The following ELF4 variants were observed in gnomAD, a reference collection of about 807,000 sequenced individuals.
The protein encoded by ELF4 is E74 like ETS transcription factor 4.
In ELF4, 10 loss-of-function variants were observed where a neutral mutation model predicts 31.7. The observed-to-expected ratio is 0.32, with a 90% CI of 0.19 to 0.54. The LOEUF (loss-of-function observed/expected upper bound fraction) is 0.54, where lower values mean the gene tolerates loss of function less well. ELF4 is among the 20% of genes least tolerant of loss of function. The pLI, the probability that ELF4 is intolerant of heterozygous loss-of-function variation, is 0.95. For synonymous variants in ELF4, 208 were observed against 226.7 expected (o/e 0.92, Z 0.74); for missense variants, 418 against 522.0 (o/e 0.80, Z 1.94).
chrX:130,101,773 TG>T (rs1224098180), intron 1 of ELF4, among the ~76,000 whole-genome samples: 7 of 107,770 alleles, frequency 6.5e-5, no homozygotes, highest in African/African-American at 2.4e-4. Flanking sequence ...CACTCCAGCC[TG>T]GGCGACAAGA....
rs760196351 is a variant in ELF4 at position 130,064,387 on chromosome X, G to A, written c.*2334C>T. ...TGGGAGGCAGAGGTTGCAGTGAACC[G>A]AGATTGCACCACTGCACTCCAGCCG... On this transcript the variant is annotated 3_prime_UTR_variant, in exon 9 of 9. Coordinates refer to ENST00000308167, the MANE Select transcript of ELF4 (RefSeq NM_001421.4). 3.7e-4 allele frequency among the ~76,000 whole-genome samples: 41 copies of A among 112,104 alleles called. No individual in the cohort carries two copies. The highest frequency in any genetic ancestry group is 6.4e-4 in the Non-Finnish European group (34 of 53,215).
intron 2 of ELF4, among the ~76,000 whole-genome samples, chrX:130,080,956 T>C (rs1176930892): frequency 8.9e-6 from 1 of 112,758 alleles, no homozygotes; most frequent in Non-Finnish European, 1.9e-5. Context: ...TCCATGTTGC[T>C]GACTAACCAA....
rs1175703996 is a variant in ELF4 at position 130,067,027 on chromosome X, A to G, written c.1686T>C (p.Pro562=). The G allele has an allele frequency of 9.1e-6, 11 of 1,210,971 alleles. No homozygotes were observed. The highest frequency in any genetic ancestry group is 1.2e-5 in the Non-Finnish European group (11 of 895,347). Residue 562 remains proline (P), a synonymous_variant, in exon 9 of 9, where the codon CCT becomes CCC. Coordinates refer to ENST00000308167, the MANE Select transcript of ELF4 (RefSeq NM_001421.4). ...TGAPMEGLLV[P]EETLRELLRD... is the part of the protein sequence containing the mutation. Reference sequence around the variant, plus strand: ...TCAGGAGCTCCCTCAGGGTCTCTTCAGGAACCAGCAGCCCCTCCATGGGGG... The same window carrying G: ...TCAGGAGCTCCCTCAGGGTCTCTTCGGGAACCAGCAGCCCCTCCATGGGGG...
rs770464343 is a variant in ELF4 at position 130,064,744 on chromosome X, T to C, written c.*1977A>G. On this transcript the variant is annotated 3_prime_UTR_variant, in exon 9 of 9. Coordinates refer to ENST00000308167, the MANE Select transcript of ELF4 (RefSeq NM_001421.4). ...GGCCCGAGAACTGTGAAGAAGACAT[T>C]TGATTTCACCATGAGGTCATTGATG... 2 of 127,782 alleles carry C rather than the reference T, an allele frequency of 1.6e-5. No homozygotes were observed. The highest frequency in any genetic ancestry group is 2.9e-4 in the East Asian group (2 of 6,853). The allele number at this position is 127,782 out of a possible 1,213,427, so 10.5% of individuals were successfully genotyped here.
chrX:130,096,904 T>C (rs1265823210), intron 1 of ELF4, among the ~76,000 whole-genome samples: 1 of 110,723 alleles, frequency 9.0e-6, no homozygotes. Context: ...TGCCCCTCTC[T>C]GGATCCCAAT....
chrX:130,111,731 C>T (rs1361932628), upstream of ELF4, among the ~76,000 whole-genome samples: 1 of 111,870 alleles, frequency 8.9e-6, no homozygotes, highest in Non-Finnish European at 1.9e-5. Context: ...ACCTTTCTTC[C>T]CCTGTCCAAA....
intron 1 of ELF4, among the ~76,000 whole-genome samples, chrX:130,102,708 T>C (rs1456783824): frequency 9.3e-6 from 1 of 107,938 alleles, no homozygotes; most frequent in African/African-American, 3.4e-5. Context: ...TCCCAGCTAC[T>C]TGGAAGGCTA....
At chrX:130,103,688 G>A (rs996317550) in intron 1 of ELF4, among the ~76,000 whole-genome samples, 1 of 111,677 alleles carries the variant, frequency 9.0e-6, no homozygotes. Context: ...CAGGAATTTC[G>A]GGAGGTTAAG....
At chrX:130,096,236 G>A (rs1200975728) in intron 1 of ELF4, among the ~76,000 whole-genome samples, 1 of 111,114 alleles carries the variant, frequency 9.0e-6, no homozygotes, top group Non-Finnish European at 1.9e-5. Flanking sequence ...AGGCTGGAGT[G>A]CAGTAGCACG....
Position 130,065,504 on chromosome X carries a change from C to T in ELF4, c.*1217G>A, listed in dbSNP as rs1932643693. On this transcript the variant is annotated 3_prime_UTR_variant, in exon 9 of 9. Transcript: ENST00000308167. The stretch of plus-strand genomic sequence containing the variant: ...TACACCCAAGGAGGTCTGCTGCAGT[C>T]ATCACAGAGGCAGGCTGGTCCGCCT... The T allele has an allele frequency of 5.7e-6, 1 of 174,577 alleles. No individual in the cohort carries two copies. The highest frequency in any genetic ancestry group is 1.1e-5 in the Non-Finnish European group (1 of 91,517). The allele number at this position is 174,577 out of a possible 1,213,427, so 14.4% of individuals were successfully genotyped here. A position where few individuals can be genotyped will look rare whatever the true frequency, so the allele number is the denominator to read the frequency against.
chrX:130,075,008 G>A lies in ELF4; in HGVS notation c.76-256C>T, dbSNP rs188305339. ...TTTTGAGATAGAGCCTCGCTCTGTC[G>A]CCCAGGCTAGAGTGCAGTGGCATGA... On this transcript the variant is annotated intron_variant, in intron 2 of 8. Transcript: ENST00000308167. Among the ~76,000 whole-genome samples the A allele has an allele frequency of 2.8e-3, 301 of 108,516 alleles. 1 individual carries two copies. Among genetic ancestry groups the A allele is most frequent in the African/African-American group, 8.8e-3 (260 of 29,654 alleles). The allele number at this position is 108,516 out of a possible 115,157, so 94.2% of individuals were successfully genotyped here.
intron 1 of ELF4, among the ~76,000 whole-genome samples, chrX:130,095,755 T>G (rs1457400072): frequency 8.9e-6 from 1 of 112,178 alleles, no homozygotes; most frequent in Non-Finnish European, 1.9e-5. Context: ...CTCTGCTGTT[T>G]CCAGAGAGTT....
chrX:130,070,486 A>G (rs931303707), intron 7 of ELF4, among the ~76,000 whole-genome samples: 2 of 110,124 alleles, frequency 1.8e-5, no homozygotes, highest in Non-Finnish European at 3.8e-5. Context: ...GACACAGGAG[A>G]ATGGCGTGAA....
chrX:130,092,093 C>T (rs1933068611), intron 1 of ELF4, among the ~76,000 whole-genome samples: 1 of 112,167 alleles, frequency 8.9e-6, no homozygotes, highest in Admixed American at 9.4e-5. Flanking sequence ...AAAGAGCCCT[C>T]CCCTCCCTCC....
At chrX:130,097,635 T>A (rs1389337472) in intron 1 of ELF4, among the ~76,000 whole-genome samples, 1 of 111,994 alleles carries the variant, frequency 8.9e-6, no homozygotes, top group Non-Finnish European at 1.9e-5. Flanking sequence ...TCTATGACAA[T>A]CCTTCTGTTG....
At chrX:130,073,925 A>G (rs1932810240) in intron 4 of ELF4, 124 bp downstream of exon 4, 5 of 666,261 alleles carry the variant, frequency 7.5e-6, no homozygotes, top group African/African-American at 2.1e-5. Flanking sequence ...TCATATGTAT[A>G]TCGGTGGGTG....
At chrX:130,096,634 C>CA (rs1933153768) in intron 1 of ELF4, among the ~76,000 whole-genome samples, 1 of 107,884 alleles carries the variant, frequency 9.3e-6, no homozygotes, top group South Asian at 3.9e-4. Flanking sequence ...AAGCAGTTGT[C>CA]TTTTTTTTTT....
intron 1 of ELF4, among the ~76,000 whole-genome samples, chrX:130,086,560 G>A (rs1014052839): frequency 7.1e-5 from 8 of 112,005 alleles, no homozygotes; most frequent in South Asian, 3.7e-4. Flanking sequence ...GGAGGGAGGC[G>A]TTCTGGCTGC....
intron 1 of ELF4, among the ~76,000 whole-genome samples, chrX:130,084,750 A>C (rs1180527885): frequency 9.0e-6 from 1 of 111,594 alleles, no homozygotes; most frequent in Non-Finnish European, 1.9e-5. Flanking sequence ...CCCCCTTGAG[A>C]TGTTTGAGGA....
Sources: gnomAD v4.1 joint callset for allele counts (sites outside exome capture counted in the v4.1 genomes callset) on GRCh38, gnomAD v4.1.1 for gene constraint, MANE v1.5 for transcripts, NCBI Gene and HGNC (gene_info 2026-07-23, HGNC 2026-07-21) for gene names.